The following BCAS3 variants were observed in gnomAD, a reference collection of about 807,000 sequenced individuals.
BCAS3 encodes BCAS4/BCAS3 fusion.
In BCAS3, 53 loss-of-function variants were observed where a neutral mutation model predicts 116.1. That is an observed-to-expected ratio of 0.46 (90% confidence interval 0.37 to 0.57). The LOEUF (loss-of-function observed/expected upper bound fraction) is 0.57, where lower values mean the gene tolerates loss of function less well. Among genes scored for constraint, BCAS3 ranks in the 20% least tolerant of loss-of-function variants. BCAS3 has a pLI of 0.00. For missense variants in BCAS3, 917 were observed against 1,165.4 expected (o/e 0.79, Z 3.10); for synonymous variants, 391 against 408.2 (o/e 0.96, Z 0.51).
chr17:61,287,279 ATC>A (rs1456310497), intron 22 of BCAS3, among the ~76,000 whole-genome samples: 1 of 151,558 alleles, frequency 6.6e-6, no homozygotes, highest in Non-Finnish European at 1.5e-5. Flanking sequence ...TGGGGAACAG[ATC>A]TCTATAGAGA....
chr17:60,694,316 C>T (rs921726099), intron 4 of BCAS3, among the ~76,000 whole-genome samples: 12 of 151,896 alleles, frequency 7.9e-5, no homozygotes, highest in Non-Finnish European at 1.5e-4. Context: ...TCCTGACCAA[C>T]ATGGTGAAAC....
At position 61,026,105 on chromosome 17, in the gene BCAS3, G is replaced by A. The variant is rs753945151; in HGVS notation, c.1638-8561G>A. ...CAGATGTGCATGGCATATCTTAAAT[G>A]CTAGGAACAGAATTTTGAGAAGAAA... On this transcript the variant is annotated intron_variant, in intron 16 of 23. Transcript: ENST00000407086. This position sits in a 1 kb window ranked among gnomAD's most constrained non-coding sequence, Gnocchi z 5.0. Among the ~76,000 whole-genome samples, 1 of 152,010 alleles carries A rather than the reference G, an allele frequency of 6.6e-6. No homozygotes were observed. Among genetic ancestry groups the A allele is most frequent in the Non-Finnish European group, 1.5e-5 (1 of 67,940 alleles).
At chr17:60,997,942 T>C (rs753199387) in intron 15 of BCAS3, among the ~76,000 whole-genome samples, 1 of 152,194 alleles carries the variant, frequency 6.6e-6, no homozygotes, top group Non-Finnish European at 1.5e-5. Context: ...ATTGATTCCG[T>C]CACCCACATA....
At chr17:60,833,041 T>TA (rs2051075004) in intron 7 of BCAS3, among the ~76,000 whole-genome samples, 1 of 152,170 alleles carries the variant, frequency 6.6e-6, no homozygotes, top group Non-Finnish European at 1.5e-5. Flanking sequence ...AATCTATTTT[T>TA]AAAAAATAGA....
chr17:61,001,290 A>G (rs2064220427), intron 15 of BCAS3, among the ~76,000 whole-genome samples: 1 of 152,100 alleles, frequency 6.6e-6, no homozygotes, highest in Non-Finnish European at 1.5e-5. Flanking sequence ...TTTTCTTTTT[A>G]GCATCTGTAT....
chr17:60,721,101 G>T (rs150057097), intron 5 of BCAS3, among the ~76,000 whole-genome samples: 5 of 152,104 alleles, frequency 3.3e-5, no homozygotes, highest in African/African-American at 1.2e-4. Context: ...ATTTATTAGA[G>T]GTTGGGTGCC....
intron 5 of BCAS3, among the ~76,000 whole-genome samples, chr17:60,718,124 A>C (rs2038846665): frequency 6.6e-6 from 1 of 152,206 alleles, no homozygotes. Context: ...GCAGCTGTAA[A>C]TACAGTTGAA....
intron 5 of BCAS3, among the ~76,000 whole-genome samples, chr17:60,732,975 T>C (rs942519931): frequency 2.0e-4 from 31 of 152,210 alleles, no homozygotes; most frequent in Admixed American, 1.1e-3. Flanking sequence ...AGGTACATTA[T>C]GCTAAATAAC....
rs183138794 is a variant in BCAS3 at position 60,784,567 on chromosome 17, T to C, written c.404-23437T>C. Among the ~76,000 whole-genome samples the C allele has an allele frequency of 2.4e-4, 37 of 151,718 alleles. No individual in the cohort carries two copies. In the East Asian group the frequency reaches 7.3e-3, roughly 30 times the overall value. ...ATCTGCTCACCTCAGCCTCCCAAAG[T>C]GCTGGGATTACAGGCGTGAGCCACT... On this transcript the variant is annotated intron_variant, in intron 6 of 23. Coordinates refer to ENST00000407086, the MANE Select transcript of BCAS3 (RefSeq NM_017679.5).
intron 4 of BCAS3, among the ~76,000 whole-genome samples, chr17:60,700,336 A>G (rs1304201998): frequency 1.3e-5 from 2 of 152,108 alleles, no homozygotes. Flanking sequence ...GGGACTTGGG[A>G]TAGATTTACT....
rs2074621809 is a variant in BCAS3 at position 61,105,969 on chromosome 17, CG to C, written c.2425+21406del. ...AAATCTTACAGCATCCCTCCCAGACCGTGAATCATCCCTTTGTCTGGCATCT... is the reference window on the plus strand; with the variant it reads ...AAATCTTACAGCATCCCTCCCAGACCTGAATCATCCCTTTGTCTGGCATCT... On this transcript the variant is annotated intron_variant, in intron 22 of 23. Transcript: ENST00000407086. This position sits in a 1 kb window ranked among gnomAD's most constrained non-coding sequence, Gnocchi z 4.3. Among the ~76,000 whole-genome samples, 1 of 152,080 alleles carries C rather than the reference CG, an allele frequency of 6.6e-6. No homozygotes were observed. Among genetic ancestry groups the C allele is most frequent in the South Asian group, 2.1e-4 (1 of 4,820 alleles).
At chr17:61,201,400 G>T (rs1169445749) in intron 22 of BCAS3, among the ~76,000 whole-genome samples, 2 of 152,236 alleles carry the variant, frequency 1.3e-5, no homozygotes, top group Non-Finnish European at 2.9e-5. Context: ...ACCATCCATT[G>T]CCACTGGAAA....
At position 60,795,259 on chromosome 17, in the gene BCAS3, A is replaced by G. The variant is rs2144560124; in HGVS notation, c.404-12745A>G. 1.3e-5 allele frequency among the ~76,000 whole-genome samples: 2 copies of G among 152,274 alleles called. 1 individual carries two copies. The highest frequency in any genetic ancestry group is 1.3e-4 in the Admixed American group (2 of 15,286). On this transcript the variant is annotated intron_variant, in intron 6 of 23. Transcript: ENST00000407086. Reference sequence around the variant, plus strand: ...ATAGAAGAACTACTGATTTGTGTATATTAATTTTATATCCGGAAACTTTGC... The same window carrying G: ...ATAGAAGAACTACTGATTTGTGTATGTTAATTTTATATCCGGAAACTTTGC...
intron 22 of BCAS3, among the ~76,000 whole-genome samples, chr17:61,341,712 G>T (rs1023970660): frequency 6.6e-5 from 10 of 152,298 alleles, no homozygotes; most frequent in African/African-American, 2.4e-4. Flanking sequence ...AGCCGCAATG[G>T]TTGTTATCAC....
intron 5 of BCAS3, among the ~76,000 whole-genome samples, chr17:60,717,511 C>T (rs962766410): frequency 2.6e-5 from 4 of 152,032 alleles, no homozygotes; most frequent in South Asian, 2.1e-4. Context: ...CCACCATGCC[C>T]GGCAGAATAT....
At chr17:61,322,794 CAGAGAGAGAGAGAGAGAGAGAGAG>C (rs35581770) in intron 22 of BCAS3, among the ~76,000 whole-genome samples, 1 of 99,634 alleles carries the variant, frequency 1.0e-5, no homozygotes, top group Non-Finnish European at 2.0e-5. Context: ...GAGAGAGAGA[CAGAGAGAGAGAGAGAGAGAGAGAG>C]AGAGAGAGAG....
At chr17:61,076,084 C>T (rs533944714) in intron 20 of BCAS3, among the ~76,000 whole-genome samples, 1 of 152,272 alleles carries the variant, frequency 6.6e-6, no homozygotes, top group Non-Finnish European at 1.5e-5. Context: ...GACCATCCCT[C>T]CCCTTGCCAG....
intron 7 of BCAS3, among the ~76,000 whole-genome samples, chr17:60,820,164 G>C (rs920602931): frequency 6.6e-6 from 1 of 151,442 alleles, no homozygotes; most frequent in Non-Finnish European, 1.5e-5. Context: ...TCTGCCTCCC[G>C]GGTTCATGCC....
chr17:60,947,841 G>A lies in BCAS3; in HGVS notation c.1221+489G>A, dbSNP rs1158457297. On this transcript the variant is annotated intron_variant, in intron 14 of 23. Transcript: ENST00000407086. ...AACCAGTTGCGCACATCCCTCCTTGGCACGGTATTTAGTGATATTATTTTG... is the reference window on the plus strand; with the variant it reads ...AACCAGTTGCGCACATCCCTCCTTGACACGGTATTTAGTGATATTATTTTG... Among the ~76,000 whole-genome samples the A allele has an allele frequency of 2.6e-5, 4 of 152,114 alleles. No homozygotes were observed. In the East Asian group the frequency reaches 7.7e-4, roughly 29 times the overall value.
Sources: gnomAD v4.1 joint callset for allele counts (sites outside exome capture counted in the v4.1 genomes callset) on GRCh38, gnomAD v4.1.1 for gene constraint, Gnocchi (gnomAD v3.1) non-coding constraint, MANE v1.5 for transcripts, NCBI Gene and HGNC (gene_info 2026-07-23, HGNC 2026-07-21) for gene names.